Variants in TMC7 observed in about 807,000 individuals in gnomAD.
The protein encoded by TMC7 is transmembrane channel-like protein 7.
Under a neutral mutation model 82.9 loss-of-function variants are expected in TMC7, and 54 were observed. The ratio of observed to expected loss-of-function variants is 0.65; its 90% confidence interval spans 0.52 to 0.82. The LOEUF (loss-of-function observed/expected upper bound fraction) is 0.82, where lower values mean the gene tolerates loss of function less well. Among genes scored for constraint, TMC7 ranks in the 40% least tolerant of loss-of-function variants. The pLI, the probability that TMC7 is intolerant of heterozygous loss-of-function variation, is 0.00. For missense variants in TMC7, 820 were observed against 901.2 expected, an observed-to-expected ratio of 0.91 and a Z score of 1.15; for synonymous variants, 350 against 337.9, an observed-to-expected ratio of 1.04 and a Z score of -0.39.
intron 1 of TMC7, among the ~76,000 whole-genome samples, chr16:19,004,316 T>C (rs2039196658): frequency 6.6e-6 from 1 of 152,178 alleles, no homozygotes; most frequent in South Asian, 2.1e-4. Flanking sequence ...AAAAACAGGA[T>C]AATTACCTAG....
intron 9 of TMC7, among the ~76,000 whole-genome samples, chr16:19,041,178 G>A (rs1397054265): frequency 6.6e-6 from 1 of 152,008 alleles, no homozygotes; most frequent in Non-Finnish European, 1.5e-5. Flanking sequence ...TTACAGGCAA[G>A]AGCCACCATG....
chr16:19,030,347 A>G lies in TMC7; in HGVS notation c.835A>G (p.Ser279Gly). ...AAGCACAATCGCCTCCCTGGCCCTG[A>G]GCCTTCTTTGGATAGTGAAAAGGTA... ...LLSTIASLALSLLWIVKRSVE... is the reference protein window; with the variant it reads ...LLSTIASLALGLLWIVKRSVE... Residue 279 changes from serine to glycine, a missense_variant, in exon 6 of 16, where the codon AGC becomes GGC. By Grantham distance (56) the Ser-to-Gly change is moderately conservative (BLOSUM62 0). Transcript: ENST00000304381. 6.2e-7 allele frequency: 1 copy of G among 1,611,830 alleles called. No individual in the cohort carries two copies. Among genetic ancestry groups the G allele is most frequent in the Non-Finnish European group, 8.5e-7 (1 of 1,179,274 alleles).
chr16:19,033,052 C>T (rs1307993178), intron 6 of TMC7, among the ~76,000 whole-genome samples: 1 of 152,138 alleles, frequency 6.6e-6, no homozygotes, highest in African/African-American at 2.4e-5. Context: ...GGGAGAAAGG[C>T]CTGCTGTGGC....
At chr16:19,045,510 A>G in intron 11 of TMC7, 72 bp downstream of exon 11, 2 of 1,051,126 alleles carry the variant, frequency 1.9e-6, no homozygotes, top group Non-Finnish European at 3.0e-6. Flanking sequence ...CACACACACA[A>G]CTGGAGGGTC....
chr16:19,060,393 T>C (rs980103735), intron 15 of TMC7, among the ~76,000 whole-genome samples: 1 of 151,636 alleles, frequency 6.6e-6, no homozygotes. Flanking sequence ...TTTATAGACA[T>C]GAGGTCTCCC....
intron 2 of TMC7, among the ~76,000 whole-genome samples, chr16:19,014,786 C>T (rs1386283491): frequency 6.6e-6 from 1 of 152,102 alleles, no homozygotes; most frequent in East Asian, 1.9e-4. Context: ...GCTTTGTGGG[C>T]CGTGTAGTCT....
chr16:18,999,137 C>T (rs920824392), intron 1 of TMC7, among the ~76,000 whole-genome samples: 4 of 152,174 alleles, frequency 2.6e-5, no homozygotes, highest in African/African-American at 7.2e-5. Context: ...CTTCCAGGCT[C>T]GAGCGATCCT....
chr16:18,993,340 G>A (rs975043402), intron 1 of TMC7, among the ~76,000 whole-genome samples: 2 of 152,174 alleles, frequency 1.3e-5, no homozygotes, highest in Non-Finnish European at 2.9e-5. Flanking sequence ...TAAGAGGTGG[G>A]CTAACAGCTT....
At chr16:19,047,442 G>A (rs1327914849) in intron 12 of TMC7, among the ~76,000 whole-genome samples, 193 bp downstream of exon 12, 1 of 148,964 alleles carries the variant, frequency 6.7e-6, no homozygotes, top group Non-Finnish European at 1.5e-5. Flanking sequence ...CTGTCACCCA[G>A]GCTGGAGTGC....
chr16:18,987,733 T>G (rs933636687), intron 1 of TMC7, among the ~76,000 whole-genome samples: 1 of 152,156 alleles, frequency 6.6e-6, no homozygotes, highest in Non-Finnish European at 1.5e-5. Context: ...AATGAATGAA[T>G]GAAAGAAGTG....
chr16:19,030,067 A>G (rs1450822373), intron 5 of TMC7, among the ~76,000 whole-genome samples, 157 bp from the exon 6 acceptor site: 1 of 152,092 alleles, frequency 6.6e-6, no homozygotes, highest in East Asian at 1.9e-4. Context: ...TTTACCAAAC[A>G]CTGAATACTC....
At chr16:19,052,283 T>G (rs1466135700) in intron 13 of TMC7, among the ~76,000 whole-genome samples, 1 of 152,180 alleles carries the variant, frequency 6.6e-6, no homozygotes, top group Non-Finnish European at 1.5e-5. Flanking sequence ...CTTCCAAGAC[T>G]CAAGCGATCT....
rs141155802 is a variant in TMC7, at chr16:18,990,390, G to A, written c.67+6260G>A. Among the ~76,000 whole-genome samples the A allele has an allele frequency of 3.0e-3, 450 of 152,264 alleles. 4 individuals carry two copies. The highest frequency in any genetic ancestry group is 0.01 in the African/African-American group (428 of 41,550). On this transcript the variant is annotated intron_variant, in intron 1 of 15. Coordinates refer to ENST00000304381, the MANE Select transcript of TMC7 (RefSeq NM_024847.4). ...GCTCACTGCAAACTCTGCCTCCTGC[G>A]TTCAAGCAATTTTTGTGCCTCAGCT...
Position 18,985,121 on chromosome 16 carries a change from G to A in TMC7, c.67+991G>A, listed in dbSNP as rs548460241. On this transcript the variant is annotated intron_variant, in intron 1 of 15. Coordinates refer to ENST00000304381, the MANE Select transcript of TMC7 (RefSeq NM_024847.4). ...CTGAAGATACAAAAATTAGCCAGGA[G>A]TGGTGGTGGGTGCTTGTAATCCCAG... 4.6e-5 allele frequency among the ~76,000 whole-genome samples: 7 copies of A among 152,212 alleles called. No homozygotes were observed. In the South Asian group the frequency reaches 1.5e-3, roughly 32 times the overall value.
chr16:18,986,954 G>A (rs1371287499), intron 1 of TMC7, among the ~76,000 whole-genome samples: 3 of 151,980 alleles, frequency 2.0e-5, no homozygotes, highest in African/African-American at 2.4e-5. Context: ...ACAGGCATCC[G>A]CCACCACGCC....
chr16:19,045,460 A>G (rs1265443751), intron 11 of TMC7, 22 bp downstream of exon 11: 1 of 1,532,538 alleles, frequency 6.5e-7, no homozygotes, highest in Non-Finnish European at 9.0e-7. Flanking sequence ...GGGTGCCCAT[A>G]TTATCCCCCC....
chr16:19,038,221 G>GTT (rs2142260868), intron 8 of TMC7, among the ~76,000 whole-genome samples, 174 bp downstream of exon 8: 1 of 152,174 alleles, frequency 6.6e-6, no homozygotes, highest in South Asian at 2.1e-4. Context: ...TTGAGATGGA[G>GTT]TTTTGCTCTT....
intron 1 of TMC7, among the ~76,000 whole-genome samples, chr16:18,993,449 G>T (rs908305284): frequency 4.6e-5 from 7 of 152,208 alleles, no homozygotes; most frequent in African/African-American, 1.7e-4. Context: ...CATTTGCCTT[G>T]TGTGGGAAGA....
At chr16:19,042,071 G>C (rs1961037504) in intron 9 of TMC7, among the ~76,000 whole-genome samples, 1 of 151,970 alleles carries the variant, frequency 6.6e-6, no homozygotes, top group African/African-American at 2.4e-5. Flanking sequence ...AACCTCATCA[G>C]GGGTGCCGTG....
Sources: gnomAD v4.1 joint callset for allele counts (sites outside exome capture counted in the v4.1 genomes callset) on GRCh38, gnomAD v4.1.1 for gene constraint, MANE v1.5 for transcripts, NCBI Gene and HGNC (gene_info 2026-07-23, HGNC 2026-07-21) for gene names.